DENND4A: variants seen among roughly 807,000 people sequenced by gnomAD.
DENND4A encodes C-myc promoter-binding protein.
In DENND4A, 70 loss-of-function variants were observed where a neutral mutation model predicts 199.3. The observed-to-expected ratio is 0.35, with a 90% confidence interval of 0.29 to 0.43. The LOEUF (loss-of-function observed/expected upper bound fraction) is 0.43, where lower values mean the gene tolerates loss of function less well. DENND4A is among the 20% of genes least tolerant of loss of function. The pLI is 1.00. For missense variants in DENND4A, 1,723 were observed against 2,255.8 expected, an observed-to-expected ratio of 0.76 and a Z score of 4.78; for synonymous variants, 686 against 766.9, an observed-to-expected ratio of 0.89 and a Z score of 1.74.
intron 1 of DENND4A, among the ~76,000 whole-genome samples, chr15:65,767,983 G>A (rs764016401): frequency 3.3e-5 from 5 of 152,096 alleles, no homozygotes; most frequent in South Asian, 2.1e-4. Context: ...TCAGTTCTCC[G>A]TATCTCAGGT....
At chr15:65,707,926 T>A (rs1567029611) in intron 14 of DENND4A, among the ~76,000 whole-genome samples, 1 of 152,050 alleles carries the variant, frequency 6.6e-6, no homozygotes, top group African/African-American at 2.4e-5. Context: ...CCTTAGGTGA[T>A]CCGCCTGCCT....
chr15:65,777,337 CA>C (rs1350273746), intron 1 of DENND4A, among the ~76,000 whole-genome samples: 2 of 151,670 alleles, frequency 1.3e-5, no homozygotes, highest in African/African-American at 2.4e-5. Flanking sequence ...AGCCAGCTTA[CA>C]TTTTTTAAAT....
At chr15:65,734,270 C>T (rs1171546255) in intron 7 of DENND4A, among the ~76,000 whole-genome samples, 2 of 152,180 alleles carry the variant, frequency 1.3e-5, no homozygotes, top group Non-Finnish European at 2.9e-5. Context: ...AGCAATACTG[C>T]TTTGTAAAGC....
At chr15:65,752,122 G>C (rs1412273040) in intron 4 of DENND4A, among the ~76,000 whole-genome samples, 11 of 130,434 alleles carry the variant, frequency 8.4e-5, no homozygotes, top group Non-Finnish European at 1.5e-4. Flanking sequence ...TGCTTTTGTA[G>C]TGGGCGGGGG....
At chr15:65,774,698 A>G (rs1264284169) in intron 1 of DENND4A, among the ~76,000 whole-genome samples, 3 of 151,778 alleles carry the variant, frequency 2.0e-5, no homozygotes, top group Non-Finnish European at 2.9e-5. Flanking sequence ...TAAAAATAAG[A>G]TGTTTTATAA....
Position 65,702,319 on chromosome 15 carries a change from C to A in DENND4A, c.2416G>T (p.Asp806Tyr). ...ATAATTGTTACCTCATCAGGTGGATCCATCTTCTTTGACTGCATTTTTTTA... is the reference window on the plus strand; with the variant it reads ...ATAATTGTTACCTCATCAGGTGGATACATCTTCTTTGACTGCATTTTTTTA... The part of the protein sequence containing the change: ...VLKKMQSKKM[D>Y]PPDEVCYRIL... The change falls in exon 17 of 33, where the codon GAT becomes TAT. Residue 806 changes from aspartate (D) to tyrosine (Y), a missense_variant. This residue lies in a region of DENND4A where 725 missense variants were observed against 952.9 expected (regional missense o/e 0.76). Transcript: ENST00000443035. The A allele has an allele frequency of 6.4e-7, 1 of 1,551,636 alleles. No homozygotes were observed. The highest frequency in any genetic ancestry group is 8.7e-7 in the Non-Finnish European group (1 of 1,146,756).
rs759349475 is a variant in DENND4A, at chr15:65,671,781, C to T, written c.4464+11G>A. 25 of 1,530,184 alleles carry T rather than the reference C, an allele frequency of 1.6e-5. No individual in the cohort carries two copies. The highest frequency in any genetic ancestry group is 1.7e-4 in the Middle Eastern group (1 of 5,960). 94.8% of individuals were successfully genotyped at this position (1,530,184 alleles called of 1,614,324 possible). A position where few individuals can be genotyped will look rare whatever the true frequency, so the allele number is the denominator to read the frequency against. ...CAGTATATGAAGATTCTCTTTTGCA[C>T]AAAAGTGTACCTCCATTGCATAGTT... On this transcript the variant is annotated intron_variant, in intron 25 of 32. Transcript: ENST00000443035.
intron 1 of DENND4A, chr15:65,766,570 G>A (rs2076992967): frequency 6.6e-6 from 1 of 152,140 alleles, no homozygotes; most frequent in Non-Finnish European, 1.5e-5. Context: ...CCAGCTTTTT[G>A]TATCCACAAG....
chr15:65,702,019 T>A, intron 17 of DENND4A, 129 bp from the exon 18 acceptor site: 1 of 1,322,592 alleles, frequency 7.6e-7, no homozygotes, highest in African/African-American at 1.5e-5. Flanking sequence ...TTCCAACATT[T>A]TGGGAGGGCA....
chr15:65,704,833 C>A (rs539411396), intron 15 of DENND4A, among the ~76,000 whole-genome samples: 31 of 152,122 alleles, frequency 2.0e-4, no homozygotes, highest in Non-Finnish European at 3.8e-4. Flanking sequence ...CTCAAGTGAT[C>A]CGCCCACCTC....
chr15:65,779,412 C>T (rs2077375951), intron 1 of DENND4A, among the ~76,000 whole-genome samples: 1 of 147,814 alleles, frequency 6.8e-6, no homozygotes, highest in Admixed American at 6.8e-5. Context: ...GCCGAGATTG[C>T]ACCCCAGCCT....
chr15:65,788,847 C>T (rs1376294564), intron 1 of DENND4A, among the ~76,000 whole-genome samples: 1 of 105,036 alleles, frequency 9.5e-6, no homozygotes, highest in African/African-American at 4.0e-5. Flanking sequence ...AGAGCCAGGA[C>T]TTGTCTTAAA....
intron 11 of DENND4A, among the ~76,000 whole-genome samples, chr15:65,725,569 C>T (rs546862928): frequency 2.6e-5 from 4 of 151,748 alleles, no homozygotes; most frequent in East Asian, 3.9e-4. Context: ...CCCAGCTACT[C>T]GGGAGGCTGA....
intron 14 of DENND4A, among the ~76,000 whole-genome samples, chr15:65,709,719 A>AAAAAAT (rs1218030026): frequency 1.9e-5 from 1 of 51,470 alleles, no homozygotes; most frequent in African/African-American, 1.0e-4. Context: ...AAAAAAAAAA[A>AAAAAAT]ATATATATAT....
At chr15:65,692,680 C>G (rs946161364) in intron 22 of DENND4A, among the ~76,000 whole-genome samples, 2 of 151,916 alleles carry the variant, frequency 1.3e-5, no homozygotes, top group African/African-American at 4.8e-5. Context: ...CTTTTTTTCA[C>G]CAGCTTACGA....
In DENND4A at chr15:65,734,507, C is replaced by T. The variant is rs566504017; in HGVS notation, c.1041-1689G>A. On this transcript the variant is annotated intron_variant, in intron 7 of 32. Coordinates refer to ENST00000443035, the MANE Select transcript of DENND4A (RefSeq NM_001320835.1). ...CTCCATATGCTGAACGCTGGTTCCC[C>T]GGGTCCCCTTATTTCTTTCTCTATA... 2.6e-5 allele frequency among the ~76,000 whole-genome samples: 4 copies of T among 152,222 alleles called. No individual in the cohort carries two copies. In the South Asian group the frequency reaches 8.3e-4, roughly 32 times the overall value.
chr15:65,700,561 T>C lies in DENND4A; in HGVS notation c.2816A>G (p.Asp939Gly). The change falls in exon 20 of 33, where the codon GAT (aspartate) becomes GGT (glycine). Residue 939 changes from aspartate to glycine, a missense_variant. By Grantham distance (94) the Asp-to-Gly change is moderately conservative. Transcript: ENST00000443035. ...NTGLIKVYAT[D>G]DRSSTGGQSD... ...ACACAAACCTGTACTAGATCTATCA[T>C]CAGTAGCATATACTTTGATTAAACC... The C allele has an allele frequency of 6.5e-7, 1 of 1,532,386 alleles. No individual in the cohort carries two copies. The highest frequency in any genetic ancestry group is 2.5e-5 in the East Asian group (1 of 39,578). The allele number at this position is 1,532,386 out of a possible 1,614,324, so 94.9% of individuals were successfully genotyped here.
intron 4 of DENND4A, 59 bp from the exon 5 acceptor site, chr15:65,741,843 T>C: frequency 2.1e-6 from 3 of 1,408,310 alleles, no homozygotes; most frequent in Non-Finnish European, 3.0e-6. Flanking sequence ...CTTGATAAAA[T>C]GGAATCTCTT....
intron 14 of DENND4A, among the ~76,000 whole-genome samples, chr15:65,707,896 G>C (rs2075115277): frequency 6.6e-6 from 1 of 151,878 alleles, no homozygotes; most frequent in African/African-American, 2.4e-5. Context: ...ATGTTGGCCA[G>C]GCTGGTCAGG....
Sources: allele counts gnomAD v4.1 joint callset (sites outside exome capture counted in the v4.1 genomes callset), GRCh38; gene constraint gnomAD v4.1.1; regional missense constraint gnomAD v4.1.1; transcripts MANE v1.5; gene names NCBI Gene and HGNC (gene_info 2026-07-23, HGNC 2026-07-21).